Variants in LIMCH1 observed in about 807,000 individuals in gnomAD.
The protein encoded by LIMCH1 is LIM and calponin homology domains-containing protein 1.
Under a neutral mutation model 176.5 loss-of-function variants are expected in LIMCH1, and 113 were observed. That is an observed-to-expected ratio of 0.64 (90% CI 0.55 to 0.75). The LOEUF (loss-of-function observed/expected upper bound fraction) is 0.75. Ranked by LOEUF, LIMCH1 falls within the 30% of genes least tolerant of loss-of-function variation. The pLI is 0.00. For missense variants in LIMCH1, 1,674 were observed against 1,814.9 expected, an observed-to-expected ratio of 0.92 and a Z score of 1.41; for synonymous variants, 619 against 645.9, an observed-to-expected ratio of 0.96 and a Z score of 0.63.
chr4:41,457,723 T>A (rs2064793489), intron 1 of LIMCH1, among the ~76,000 whole-genome samples: 1 of 152,198 alleles, frequency 6.6e-6, no homozygotes, highest in Non-Finnish European at 1.5e-5. Flanking sequence ...CCTTTGACTT[T>A]CATTTCTTTT....
At chr4:41,479,370 G>A (rs1392268944) in intron 1 of LIMCH1, among the ~76,000 whole-genome samples, 2 of 152,090 alleles carry the variant, frequency 1.3e-5, no homozygotes, top group African/African-American at 2.4e-5. Context: ...TCTTGCCTCA[G>A]CCTCCCAAGT....
chr4:41,511,386 C>T (rs2074902447), intron 2 of LIMCH1, among the ~76,000 whole-genome samples: 1 of 152,228 alleles, frequency 6.6e-6, no homozygotes, highest in Non-Finnish European at 1.5e-5. Context: ...AACCTGAATT[C>T]AGTCCTCTGA....
At chr4:41,661,164 AAAG>A (rs1479089627) in intron 18 of LIMCH1, among the ~76,000 whole-genome samples, 1 of 130,698 alleles carries the variant, frequency 7.7e-6, no homozygotes, top group Non-Finnish European at 1.7e-5. Flanking sequence ...TGGTGAAAGA[AAAG>A]AAAATGTGGG....
chr4:41,486,546 A>C (rs946507996), intron 1 of LIMCH1, among the ~76,000 whole-genome samples: 1 of 152,186 alleles, frequency 6.6e-6, no homozygotes, highest in Non-Finnish European at 1.5e-5. Context: ...ACATATTATA[A>C]AGATGTTGCT....
intron 1 of LIMCH1, among the ~76,000 whole-genome samples, chr4:41,362,101 G>A (rs1197132036): frequency 6.6e-6 from 1 of 152,190 alleles, no homozygotes; most frequent in African/African-American, 2.4e-5. Context: ...ATTTAAACCT[G>A]CTGAGCTTCC....
At chr4:41,408,202 C>T (rs2059160247) in intron 1 of LIMCH1, among the ~76,000 whole-genome samples, 1 of 151,986 alleles carries the variant, frequency 6.6e-6, no homozygotes, top group South Asian at 2.1e-4. Context: ...TTTAAGGAGT[C>T]AAGGAAAATA....
chr4:41,401,171 C>T (rs368921214), intron 1 of LIMCH1, among the ~76,000 whole-genome samples: 2 of 152,078 alleles, frequency 1.3e-5, no homozygotes, highest in Non-Finnish European at 2.9e-5. Flanking sequence ...TTAGGTCTAA[C>T]GTTTAAGTTT....
At chr4:41,638,821 G>A in intron 13 of LIMCH1, 111 bp from the exon 14 acceptor site, 1 of 841,258 alleles carries the variant, frequency 1.2e-6, no homozygotes, top group Non-Finnish European at 2.0e-6. Flanking sequence ...CAGTATCTCA[G>A]CAAAAAAGGT....
intron 1 of LIMCH1, among the ~76,000 whole-genome samples, chr4:41,579,187 T>C: frequency 6.6e-6 from 1 of 152,036 alleles, no homozygotes; most frequent in Non-Finnish European, 1.5e-5. Context: ...AAGTGTAAAA[T>C]GATTATGTAA....
chr4:41,602,268 A>G (rs2090058643), intron 2 of LIMCH1, among the ~76,000 whole-genome samples: 1 of 152,158 alleles, frequency 6.6e-6, no homozygotes, highest in African/African-American at 2.4e-5. Flanking sequence ...CACAGCAAGT[A>G]TTATTCCAAG....
At chr4:41,403,414 C>T (rs889611467) in intron 1 of LIMCH1, among the ~76,000 whole-genome samples, 7 of 152,038 alleles carry the variant, frequency 4.6e-5, no homozygotes, top group Non-Finnish European at 8.8e-5. Flanking sequence ...AACCCTGTCT[C>T]TACTGAAAAT....
At chr4:41,421,249 G>A (rs974399657) in intron 1 of LIMCH1, among the ~76,000 whole-genome samples, 1 of 152,174 alleles carries the variant, frequency 6.6e-6, no homozygotes, top group African/African-American at 2.4e-5. Context: ...TAGGAGTGCT[G>A]TGAGAAGTGA....
intron 1 of LIMCH1, among the ~76,000 whole-genome samples, chr4:41,411,851 G>A (rs1205936906): frequency 2.0e-5 from 3 of 150,702 alleles, no homozygotes; most frequent in African/African-American, 4.9e-5. Context: ...CCAGCTACTC[G>A]GGAGGTTGAG....
chr4:41,396,073 G>A (rs2057775132), intron 1 of LIMCH1, among the ~76,000 whole-genome samples: 2 of 152,202 alleles, frequency 1.3e-5, no homozygotes, highest in South Asian at 4.1e-4. Flanking sequence ...GGGAGCCAGG[G>A]TGGGGCTGTG....
intron 2 of LIMCH1, among the ~76,000 whole-genome samples, chr4:41,505,481 A>G (rs1475735395): frequency 1.3e-5 from 2 of 152,158 alleles, no homozygotes; most frequent in East Asian, 3.9e-4. Context: ...TGTGTGAATA[A>G]TGAACTTTGG....
intron 1 of LIMCH1, among the ~76,000 whole-genome samples, chr4:41,493,390 C>A (rs182456183): frequency 1.3e-5 from 2 of 151,332 alleles, no homozygotes; most frequent in Admixed American, 1.3e-4. Context: ...ATAGTCAAGT[C>A]AGGCTTCCGT....
intron 1 of LIMCH1, among the ~76,000 whole-genome samples, chr4:41,545,644 G>A (rs958783798): frequency 6.6e-6 from 1 of 152,122 alleles, no homozygotes; most frequent in Non-Finnish European, 1.5e-5. Flanking sequence ...TGAGTTATAG[G>A]GTTGTTGGAG....
intron 1 of LIMCH1, among the ~76,000 whole-genome samples, chr4:41,465,167 T>A (rs1177893829): frequency 2.6e-5 from 4 of 152,144 alleles, no homozygotes; most frequent in Non-Finnish European, 5.9e-5. Context: ...CCTGCTGGCG[T>A]CTATTTTTTC....
intron 1 of LIMCH1, among the ~76,000 whole-genome samples, chr4:41,412,051 C>G (rs987881425): frequency 2.0e-5 from 3 of 146,350 alleles, no homozygotes; most frequent in Admixed American, 2.0e-4. Flanking sequence ...TTTTTAAAAA[C>G]CAGCCTCATT....
Sources: allele counts gnomAD v4.1 joint callset (sites outside exome capture counted in the v4.1 genomes callset), GRCh38; gene constraint gnomAD v4.1.1; transcripts MANE v1.5; gene names NCBI Gene and HGNC (gene_info 2026-07-23, HGNC 2026-07-21).